The following PVT1 variants were observed in gnomAD, a reference collection of about 807,000 sequenced individuals.
PVT1 encodes CXCR4/PVT1 fusion.
rs370586135 is a variant in PVT1, at chr8:128,056,782, A to C, written n.913-13378A>C. 9.7e-4 allele frequency among the ~76,000 whole-genome samples: 148 copies of C among 152,304 alleles called. 5 individuals carry two copies. In the South Asian group the frequency reaches 0.03, roughly 31 times the overall value. ...TGACCTAGAATCTGGTTATTTCACG[A>C]GTTGCTCCGGGGTGATTCTGATAGA... On this transcript the variant is annotated intron_variant and non_coding_transcript_variant, in intron 4 of 10. Transcript: ENST00000651587.
chr8:128,057,993 A>G (rs899420245), intron 4 of PVT1, among the ~76,000 whole-genome samples: 1 of 152,196 alleles, frequency 6.6e-6, no homozygotes, highest in Non-Finnish European at 1.5e-5. Context: ...GCCAACCCTG[A>G]GATCAAATTA....
At chr8:128,037,066 C>T (rs1321644942) in intron 4 of PVT1, among the ~76,000 whole-genome samples, 1 of 152,194 alleles carries the variant, frequency 6.6e-6, no homozygotes, top group Non-Finnish European at 1.5e-5. Context: ...CAGTCAGCCA[C>T]CGCCACTGCC....
At chr8:127,995,864 G>T (rs1293133559) in intron 4 of PVT1, among the ~76,000 whole-genome samples, 1 of 151,988 alleles carries the variant, frequency 6.6e-6, no homozygotes. Context: ...TATGTGAAGC[G>T]CATATTGGTG....
At chr8:128,020,694 C>T (rs901435592) in intron 4 of PVT1, among the ~76,000 whole-genome samples, 1 of 152,220 alleles carries the variant, frequency 6.6e-6, no homozygotes. Context: ...TGAGCCAACC[C>T]ACATTCTGAC....
intron 4 of PVT1, among the ~76,000 whole-genome samples, chr8:128,048,167 G>A (rs1586497163): frequency 2.0e-5 from 3 of 152,318 alleles, no homozygotes. Context: ...GAAGACAGAC[G>A]ATCCATGAAG....
chr8:127,819,288 C>T (rs547634615), intron 2 of PVT1, among the ~76,000 whole-genome samples: 42 of 152,316 alleles, frequency 2.8e-4, no homozygotes, highest in African/African-American at 8.4e-4. Context: ...TGAGGCTAGT[C>T]ACTTGAATCC....
In PVT1 at chr8:127,925,563, A is replaced by T. The variant is rs567770062; in HGVS notation, n.782+34565A>T. Among the ~76,000 whole-genome samples, 42 of 152,334 alleles carry T rather than the reference A, an allele frequency of 2.8e-4. 1 individual carries two copies. The South Asian group carries it at 8.5e-3, about 31-fold the overall frequency. ...TATGGTAGGATTCATTAATTAATTT[A>T]TTGAAAATAATTATTGAGATTATAT... is the stretch of plus-strand genomic sequence containing the variant. On this transcript the variant is annotated intron_variant and non_coding_transcript_variant, in intron 3 of 10. Coordinates refer to ENST00000651587, the Ensembl canonical transcript of PVT1.
intron 4 of PVT1, among the ~76,000 whole-genome samples, chr8:128,067,641 G>T (rs1813926338): frequency 6.6e-6 from 1 of 152,138 alleles, no homozygotes; most frequent in African/African-American, 2.4e-5. Flanking sequence ...GAGGTGTGGG[G>T]ATTAACCCAA....
intron 4 of PVT1, among the ~76,000 whole-genome samples, chr8:128,062,292 A>G (rs1432104678): frequency 2.0e-5 from 3 of 152,212 alleles, no homozygotes; most frequent in Non-Finnish European, 2.9e-5. Context: ...ATTTTCATCT[A>G]TGAGGAGGAA....
At chr8:127,938,943 G>A (rs758997812) in intron 3 of PVT1, among the ~76,000 whole-genome samples, 30 of 152,226 alleles carry the variant, frequency 2.0e-4, no homozygotes, top group Non-Finnish European at 3.1e-4. Flanking sequence ...TTTCATAGAT[G>A]AGGAAACTGA....
At chr8:127,926,476 GC>G (rs1470932370) in intron 3 of PVT1, among the ~76,000 whole-genome samples, 1 of 152,200 alleles carries the variant, frequency 6.6e-6, no homozygotes, top group Non-Finnish European at 1.5e-5. Flanking sequence ...CCGGGAAGTT[GC>G]TCACCCTGCA....
At chr8:128,081,060 T>C (rs1411420805) in intron 5 of PVT1, among the ~76,000 whole-genome samples, 1 of 152,236 alleles carries the variant, frequency 6.6e-6, no homozygotes, top group Non-Finnish European at 1.5e-5. Context: ...TTCTGTTCCA[T>C]TGATCTGCTT....
chr8:127,872,189 C>T (rs1201027783), intron 2 of PVT1, among the ~76,000 whole-genome samples: 1 of 152,100 alleles, frequency 6.6e-6, no homozygotes, highest in Non-Finnish European at 1.5e-5. Flanking sequence ...CCGAGGCAGG[C>T]AGATCACTGA....
intron 2 of PVT1, among the ~76,000 whole-genome samples, chr8:127,882,570 G>A (rs532629799): frequency 4.0e-5 from 6 of 151,500 alleles, no homozygotes; most frequent in African/African-American, 1.5e-4. Context: ...TGCAACCTCC[G>A]CCTCCCAGGT....
At chr8:127,906,356 C>A (rs746321170) in intron 3 of PVT1, among the ~76,000 whole-genome samples, 1 of 152,172 alleles carries the variant, frequency 6.6e-6, no homozygotes, top group African/African-American at 2.4e-5. Context: ...CTAGTTAGCA[C>A]CAAAATAAAT....
At chr8:127,960,578 C>A in intron 3 of PVT1, 2 of 432,538 alleles carry the variant, frequency 4.6e-6, no homozygotes, top group Non-Finnish European at 4.7e-6. Context: ...TGGATGGATG[C>A]ACCACGATAG....
chr8:127,808,351 T>C (rs973185728), intron 2 of PVT1, among the ~76,000 whole-genome samples: 6 of 152,140 alleles, frequency 3.9e-5, no homozygotes, highest in African/African-American at 1.4e-4. Context: ...TCCAGCCTGT[T>C]CTTTAAATTT....
chr8:127,993,787 A>G (rs1038718077), intron 4 of PVT1, among the ~76,000 whole-genome samples: 1 of 151,556 alleles, frequency 6.6e-6, no homozygotes, highest in African/African-American at 2.4e-5. Flanking sequence ...CCAGGACTTT[A>G]CAGTTTATAA....
intron 2 of PVT1, among the ~76,000 whole-genome samples, chr8:127,808,806 G>A (rs1045490221): frequency 3.9e-5 from 6 of 151,946 alleles, no homozygotes; most frequent in African/African-American, 1.2e-4. Context: ...GAGGCGGGCA[G>A]ATCACTTGAG....
Sources: allele counts gnomAD v4.1 joint callset (sites outside exome capture counted in the v4.1 genomes callset), GRCh38; gene constraint gnomAD v4.1.1; transcripts MANE v1.5; gene names NCBI Gene and HGNC (gene_info 2026-07-23, HGNC 2026-07-21).